BRD4: variants seen among roughly 807,000 people sequenced by gnomAD.
BRD4 encodes bromodomain containing 4, also known as bromodomain-containing protein 4.
In BRD4, 16 loss-of-function variants were observed where a neutral mutation model predicts 142.1. The observed-to-expected ratio is 0.11, with a 90% CI of 0.08 to 0.17. The LOEUF (loss-of-function observed/expected upper bound fraction) is 0.17. Among genes scored for constraint, BRD4 ranks in the 10% least tolerant of loss-of-function variants. The probability of loss-of-function intolerance (pLI) is 1.00; values close to 1 mark genes in which losing one functional copy is unlikely to be tolerated. For synonymous variants in BRD4, 833 were observed against 707.5 expected (o/e 1.18, Z -2.82); for missense variants, 1,424 against 1,810.9 (o/e 0.79, Z 3.88).
chr19:15,309,073 A>AC (rs1184866381), intron 1 of BRD4, among the ~76,000 whole-genome samples: 3 of 151,884 alleles, frequency 2.0e-5, no homozygotes. Flanking sequence ...GCGGTGGCTC[A>AC]CACCTGTAAT....
At chr19:15,265,290 A>G (rs2145602450) in intron 5 of BRD4, 64 bp downstream of exon 5, 1 of 1,397,530 alleles carries the variant, frequency 7.2e-7, no homozygotes, top group East Asian at 2.5e-5. Flanking sequence ...TGTGTAAAGC[A>G]CGGGCAAGGA....
At chr19:15,276,892 C>T (rs781035526) in intron 1 of BRD4, among the ~76,000 whole-genome samples, 11 of 152,016 alleles carry the variant, frequency 7.2e-5, no homozygotes, top group Non-Finnish European at 1.3e-4. Context: ...TGGCCATGGA[C>T]GGGGAGAGGG....
intron 1 of BRD4, among the ~76,000 whole-genome samples, chr19:15,327,057 T>C (rs1053625128): frequency 1.3e-5 from 2 of 152,188 alleles, no homozygotes; most frequent in African/African-American, 2.4e-5. Flanking sequence ...CATGCTGATA[T>C]CCTTGCAGTT....
In BRD4 at chr19:15,264,462, A is replaced by G; in HGVS notation, c.1154T>C (p.Leu385Pro). Residue 385 changes from leucine (L) to proline (P), a missense_variant, in exon 6 of 20, where the codon CTG (leucine) becomes CCG (proline). This residue lies in a region of BRD4 where 30 missense variants were observed against 65.2 expected (regional missense o/e 0.46). Transcript: ENST00000679869. ...PFYKPVDVEA[L>P]GLHDYCDIIK... ...GATGTCACAGTAGTCGTGTAGGCCC[A>G]GTGCCTCCACGTCCACAGGCTTGTA... 1 of 1,614,026 alleles carries G rather than the reference A, an allele frequency of 6.2e-7. No individual in the cohort carries two copies. Among genetic ancestry groups the G allele is most frequent in the Non-Finnish European group, 8.5e-7 (1 of 1,179,958 alleles).
chr19:15,307,608 AC>A (rs777085295), intron 1 of BRD4, among the ~76,000 whole-genome samples: 150 of 152,326 alleles, frequency 9.8e-4, no homozygotes, highest in Non-Finnish European at 1.6e-3. Context: ...CCTTTCCAGG[AC>A]AAGACAATGC....
chr19:15,306,871 C>A (rs997344391), intron 1 of BRD4, among the ~76,000 whole-genome samples: 1 of 152,076 alleles, frequency 6.6e-6, no homozygotes, highest in Non-Finnish European at 1.5e-5. Context: ...TAGTCTGAAA[C>A]GTTGGTCACA....
rs1336697706 is a variant in BRD4, at chr19:15,254,352, A to C, written c.2048-90T>G. 18 of 1,092,738 alleles carry C rather than the reference A, an allele frequency of 1.6e-5. No individual in the cohort carries two copies. The East Asian group carries it at 4.1e-4, about 25-fold the overall frequency. The allele number at this position is 1,092,738 out of a possible 1,614,324, so 67.7% of individuals were successfully genotyped here. ...GGGCACACCCCATCCATCTGGAGGA[A>C]GGACCAGTGAGGAGCCTGTGCACGG... On this transcript the variant is annotated intron_variant, in intron 10 of 19. Transcript: ENST00000679869.
chr19:15,277,785 G>A (rs761116889), intron 1 of BRD4, among the ~76,000 whole-genome samples: 7 of 144,326 alleles, frequency 4.9e-5, no homozygotes, highest in Admixed American at 1.4e-4. Flanking sequence ...GCAAGACTCC[G>A]TCTCCAAAAC....
chr19:15,261,033 G>C (rs2047464534), intron 7 of BRD4, among the ~76,000 whole-genome samples: 1 of 152,190 alleles, frequency 6.6e-6, no homozygotes, highest in Non-Finnish European at 1.5e-5. Flanking sequence ...CTTCCTATGA[G>C]AGTAGATGAA....
chr19:15,306,995 A>C (rs1451681704), intron 1 of BRD4, among the ~76,000 whole-genome samples: 1 of 152,206 alleles, frequency 6.6e-6, no homozygotes, highest in East Asian at 1.9e-4. Flanking sequence ...AAATAAAAAA[A>C]CCGCAATTAT....
At position 15,294,692 on chromosome 19, in the gene BRD4, G is replaced by T. The variant is rs563041905; in HGVS notation, c.-34-21559C>A. On this transcript the variant is annotated intron_variant, in intron 1 of 19. Transcript: ENST00000679869. ...ACTTCTCTGCCAGGTTCCCAGGGAA[G>T]AATGTTGTAAATGATGGCTGGGTGC... Among the ~76,000 whole-genome samples the T allele has an allele frequency of 3.9e-5, 6 of 152,226 alleles. No homozygotes were observed. The East Asian group carries it at 1.2e-3, about 29-fold the overall frequency.
At chr19:15,271,168 C>A (rs1012883108) in intron 2 of BRD4, among the ~76,000 whole-genome samples, 1 of 152,178 alleles carries the variant, frequency 6.6e-6, no homozygotes, top group African/African-American at 2.4e-5. Context: ...CTCAAGTCCC[C>A]CAGCCCTTCC....
chr19:15,239,326 G>A lies in BRD4; in HGVS notation c.3577-62C>T. 1 of 1,614,062 alleles carries A rather than the reference G, an allele frequency of 6.2e-7. No homozygotes were observed. ...GCTGTGCCTAAAGGGCATAGCTGGG[G>A]GTGTGCCCAGCATGGCACCTTCCAG... On this transcript the variant is annotated intron_variant, in intron 17 of 19. Transcript: ENST00000679869. The surrounding 1 kb of genome is among the most constrained non-coding windows in gnomAD (Gnocchi z 7.4).
intron 1 of BRD4, among the ~76,000 whole-genome samples, chr19:15,327,422 T>C (rs2048117583): frequency 6.6e-6 from 1 of 152,056 alleles, no homozygotes; most frequent in South Asian, 2.1e-4. Flanking sequence ...CAGGTGCCTG[T>C]AATCCCAATT....
intron 1 of BRD4, among the ~76,000 whole-genome samples, chr19:15,321,049 C>T (rs777418500): frequency 3.3e-5 from 5 of 152,116 alleles, no homozygotes; most frequent in South Asian, 2.1e-4. Context: ...GCCTGGCCAA[C>T]GGGGTGAAAC....
At chr19:15,257,542 G>A (rs972795006) in intron 7 of BRD4, among the ~76,000 whole-genome samples, 5 of 152,140 alleles carry the variant, frequency 3.3e-5, no homozygotes, top group African/African-American at 1.2e-4. Context: ...ACAGTTAGCC[G>A]AGGCTCCCAC....
intron 1 of BRD4, among the ~76,000 whole-genome samples, chr19:15,313,630 T>A (rs570077004): frequency 6.7e-6 from 1 of 149,098 alleles, no homozygotes; most frequent in Non-Finnish European, 1.5e-5. Context: ...GAGCCGAGAT[T>A]GCGCACTGCA....
chr19:15,280,456 T>C (rs1416579892), intron 1 of BRD4: 4 of 1,011,866 alleles, frequency 4.0e-6, no homozygotes, highest in Non-Finnish European at 4.7e-6. Context: ...AAGAATTTCA[T>C]CCTCGTAAAC....
intron 7 of BRD4, among the ~76,000 whole-genome samples, chr19:15,259,086 C>G (rs1240984103): frequency 6.6e-6 from 1 of 151,612 alleles, no homozygotes. Flanking sequence ...CTGCAGCACC[C>G]GGCTACGTGG....
Sources: allele counts gnomAD v4.1 joint callset (sites outside exome capture counted in the v4.1 genomes callset), GRCh38; gene constraint gnomAD v4.1.1; regional missense constraint gnomAD v4.1.1; non-coding constraint Gnocchi (gnomAD v3.1); transcripts MANE v1.5; gene names NCBI Gene and HGNC (gene_info 2026-07-23, HGNC 2026-07-21).